SKAP1: variants seen among roughly 807,000 people sequenced by gnomAD.
The protein encoded by SKAP1 is src kinase-associated phosphoprotein 1.
SKAP1 carries 44 observed loss-of-function variants against 58.5 expected under a neutral mutation model. The observed-to-expected ratio is 0.75, with a 90% CI of 0.59 to 0.97. The LOEUF is 0.97. Ranked by LOEUF, SKAP1 falls within the 50% of genes least tolerant of loss-of-function variation. SKAP1 has a pLI of 0.00. For missense variants in SKAP1, 390 were observed against 435.2 expected (o/e 0.90, Z 0.92); for synonymous variants, 127 against 149.7 (o/e 0.85, Z 1.11).
chr17:48,384,086 T>C (rs975592274), intron 2 of SKAP1, among the ~76,000 whole-genome samples: 16 of 152,184 alleles, frequency 1.1e-4, no homozygotes. Flanking sequence ...CAGAATAAAC[T>C]GGAACAGGGA....
chr17:48,263,493 C>A (rs2065505578), intron 4 of SKAP1, among the ~76,000 whole-genome samples: 2 of 152,148 alleles, frequency 1.3e-5, no homozygotes, highest in African/African-American at 2.4e-5. Flanking sequence ...TTCAAACATG[C>A]ACAAGTATCC....
chr17:48,163,848 A>T (rs1432032331), intron 10 of SKAP1, among the ~76,000 whole-genome samples: 1 of 152,230 alleles, frequency 6.6e-6, no homozygotes, highest in Non-Finnish European at 1.5e-5. Context: ...TCTCTGGAAG[A>T]GAATTTTGGT....
intron 4 of SKAP1, among the ~76,000 whole-genome samples, chr17:48,325,695 T>A (rs1042645247): frequency 6.6e-6 from 1 of 152,238 alleles, no homozygotes; most frequent in African/African-American, 2.4e-5. Context: ...TAGTTTATAC[T>A]TATTTTCTTT....
intron 2 of SKAP1, among the ~76,000 whole-genome samples, chr17:48,366,867 C>A (rs1465252307): frequency 6.6e-6 from 1 of 152,064 alleles, no homozygotes; most frequent in Non-Finnish European, 1.5e-5. Flanking sequence ...TGTACGTACA[C>A]TCTCTCTCTT....
At chr17:48,279,740 A>G (rs576890439) in intron 4 of SKAP1, among the ~76,000 whole-genome samples, 63 of 152,274 alleles carry the variant, frequency 4.1e-4, no homozygotes, top group African/African-American at 1.5e-3. Flanking sequence ...CCACTCTCTT[A>G]GCTTCCCTTT....
At chr17:48,222,260 A>G (rs1439717853) in intron 4 of SKAP1, among the ~76,000 whole-genome samples, 3 of 152,146 alleles carry the variant, frequency 2.0e-5, no homozygotes, top group Non-Finnish European at 1.5e-5. Flanking sequence ...CGCTAATACA[A>G]ATCAATAATA....
chr17:48,197,556 G>T (rs1038559765), intron 4 of SKAP1, among the ~76,000 whole-genome samples: 1 of 152,160 alleles, frequency 6.6e-6, no homozygotes, highest in African/African-American at 2.4e-5. Context: ...AGGCATGGTG[G>T]TATGTGCCTG....
At chr17:48,204,989 C>CTTTTCTTTTCT (rs1332877599) in intron 4 of SKAP1, among the ~76,000 whole-genome samples, 3 of 55,910 alleles carry the variant, frequency 5.4e-5, no homozygotes, top group Admixed American at 4.0e-4. Flanking sequence ...TTCTTTCTTT[C>CTTTTCTTTTCT]TTTCTTTCTT....
At chr17:48,280,298 C>T (rs942279067) in intron 4 of SKAP1, among the ~76,000 whole-genome samples, 21 of 151,960 alleles carry the variant, frequency 1.4e-4, no homozygotes, top group Admixed American at 6.6e-4. Flanking sequence ...GGTGAAACGC[C>T]GTCTCTACTA....
chr17:48,283,155 T>C (rs559764226), intron 4 of SKAP1, among the ~76,000 whole-genome samples: 166 of 152,268 alleles, frequency 1.1e-3, no homozygotes, highest in African/African-American at 3.7e-3. Context: ...AAGAGACTCC[T>C]GCTGTGAGTC....
intron 4 of SKAP1, among the ~76,000 whole-genome samples, chr17:48,290,180 C>T (rs2065882773): frequency 6.6e-6 from 1 of 152,118 alleles, no homozygotes; most frequent in African/African-American, 2.4e-5. Flanking sequence ...TCTATGAGGC[C>T]AGTTTCATGT....
At chr17:48,184,578 A>T (rs1482394393) in intron 7 of SKAP1, 145 bp downstream of exon 7, 22 of 1,001,556 alleles carry the variant, frequency 2.2e-5, no homozygotes, top group Admixed American at 3.8e-5. Flanking sequence ...ATATGAGGAC[A>T]TGCCAAGAAA....
rs142267421 is a variant in SKAP1 at position 48,218,754 on chromosome 17, T to G, written c.281-29254A>C. 2.0e-5 allele frequency among the ~76,000 whole-genome samples: 3 copies of G among 152,294 alleles called. No individual in the cohort carries two copies. The East Asian group carries it at 5.8e-4, about 29-fold the overall frequency. On this transcript the variant is annotated intron_variant, in intron 4 of 12. Coordinates refer to ENST00000336915, the MANE Select transcript of SKAP1 (RefSeq NM_003726.4). ...CACAGGAGGCAAAAGAAACAGGCAA[T>G]CAATACTTGGGCCTCTAATATCTGA...
chr17:48,136,760 C>T (rs1339282956), intron 12 of SKAP1, among the ~76,000 whole-genome samples: 3 of 149,398 alleles, frequency 2.0e-5, no homozygotes, highest in African/African-American at 4.9e-5. Flanking sequence ...CTGCAACCTC[C>T]GCTTCCCGGG....
intron 1 of SKAP1, among the ~76,000 whole-genome samples, chr17:48,417,612 G>A (rs529694308): frequency 1.3e-5 from 2 of 152,214 alleles, no homozygotes; most frequent in Admixed American, 1.3e-4. Flanking sequence ...GGGCGTGGTG[G>A]CACATGCCTG....
chr17:48,376,287 C>T (rs899616995), intron 2 of SKAP1, among the ~76,000 whole-genome samples: 1 of 152,002 alleles, frequency 6.6e-6, no homozygotes, highest in African/African-American at 2.4e-5. Flanking sequence ...CACTTAAAAT[C>T]ATTTACTCTA....
chr17:48,199,942 G>C (rs568876330), intron 4 of SKAP1, among the ~76,000 whole-genome samples: 45 of 152,198 alleles, frequency 3.0e-4, no homozygotes, highest in Admixed American at 7.8e-4. Flanking sequence ...GTGCACGTAG[G>C]GGGATGGGCC....
chr17:48,400,625 C>A (rs912313098), intron 1 of SKAP1, among the ~76,000 whole-genome samples: 2 of 151,894 alleles, frequency 1.3e-5, no homozygotes, highest in Non-Finnish European at 2.9e-5. Flanking sequence ...TGGTGCACAT[C>A]TGTGGTCCCA....
chr17:48,270,412 C>T (rs932867112), intron 4 of SKAP1, among the ~76,000 whole-genome samples: 2 of 151,932 alleles, frequency 1.3e-5, no homozygotes, highest in Non-Finnish European at 2.9e-5. Flanking sequence ...GGTGGAATAT[C>T]GGCTCACTGC....
Sources: gnomAD v4.1 joint callset for allele counts (sites outside exome capture counted in the v4.1 genomes callset) on GRCh38, gnomAD v4.1.1 for gene constraint, MANE v1.5 for transcripts, NCBI Gene and HGNC (gene_info 2026-07-23, HGNC 2026-07-21) for gene names.